Variants in MORC1 observed in about 807,000 individuals in gnomAD.
The protein encoded by MORC1 is MORC family CW-type zinc finger 1.
Under a neutral mutation model 134.9 loss-of-function variants are expected in MORC1, and 59 were observed. The observed-to-expected ratio is 0.44, with a 90% CI of 0.35 to 0.54. The LOEUF is 0.54. MORC1 is among the 20% of genes least tolerant of loss of function. The pLI, the probability that MORC1 is intolerant of heterozygous loss-of-function variation, is 0.00. For missense variants in MORC1, 947 were observed against 1,134.5 expected (o/e 0.83, Z 2.37); for synonymous variants, 395 against 391.7 (o/e 1.01, Z -0.10).
At chr3:109,052,445 A>G (rs545574621) in intron 14 of MORC1, among the ~76,000 whole-genome samples, 1 of 152,296 alleles carries the variant, frequency 6.6e-6, no homozygotes, top group South Asian at 2.1e-4. Context: ...CTGCATTTCT[A>G]ACAAGTTCCA....
At chr3:109,091,164 C>A (rs1950715463) in intron 8 of MORC1, among the ~76,000 whole-genome samples, 1 of 152,002 alleles carries the variant, frequency 6.6e-6, no homozygotes, top group African/African-American at 2.4e-5. Context: ...TGTATGTTGG[C>A]CAGGTGCGGT....
At chr3:109,006,643 T>C (rs1948546881) in intron 18 of MORC1, among the ~76,000 whole-genome samples, 1 of 152,140 alleles carries the variant, frequency 6.6e-6, no homozygotes. Flanking sequence ...ATTTGAGGAA[T>C]ATAACGTAAC....
At chr3:109,056,834 T>C (rs1005576535) in intron 13 of MORC1, among the ~76,000 whole-genome samples, 10 of 152,178 alleles carry the variant, frequency 6.6e-5, no homozygotes, top group African/African-American at 2.2e-4. Context: ...CTCTACATCA[T>C]TGATGAAAGC....
chr3:109,025,906 C>T (rs1346475731), intron 17 of MORC1, among the ~76,000 whole-genome samples: 1 of 152,118 alleles, frequency 6.6e-6, no homozygotes. Flanking sequence ...CTGGTATATG[C>T]CAGGCACTGT....
chr3:109,018,640 T>C (rs1304687580), intron 17 of MORC1, among the ~76,000 whole-genome samples: 1 of 152,164 alleles, frequency 6.6e-6, no homozygotes, highest in Admixed American at 6.5e-5. Flanking sequence ...TAAGATATCA[T>C]CTGATCTGAC....
At chr3:109,033,286 GAGGAAGGAAGGAAGGAAGGAAGGAAGGA>G (rs55742240) in intron 15 of MORC1, among the ~76,000 whole-genome samples, 50 of 137,006 alleles carry the variant, frequency 3.6e-4, no homozygotes, top group Middle Eastern at 3.7e-3. Context: ...AGCAAGAAAG[GAGGAAGGAAGGAAGGAAGGAAGGAAGGA>G]AGGAAGGAAG....
At position 109,104,444 on chromosome 3, in the gene MORC1, T is replaced by G. The variant is rs190271777; in HGVS notation, c.155-527A>C. Among the ~76,000 whole-genome samples the G allele has an allele frequency of 3.0e-3, 464 of 152,334 alleles. 6 individuals are homozygous for G. The highest frequency in any genetic ancestry group is 1.7e-3 in the South Asian group (8 of 4,824). On this transcript the variant is annotated intron_variant, in intron 3 of 27. Coordinates refer to ENST00000232603, the MANE Select transcript of MORC1 (RefSeq NM_014429.4). ...ACTTACCTCTTCAAGACGCACTTAA[T>G]TTTTGAAAATGGCTAAGTTATTTGA...
intron 23 of MORC1, among the ~76,000 whole-genome samples, chr3:108,980,487 C>T (rs1270030243): frequency 6.6e-6 from 1 of 152,182 alleles, no homozygotes; most frequent in Admixed American, 6.5e-5. Flanking sequence ...AGGTGCCATT[C>T]ATGATAGGCC....
At chr3:109,000,792 C>T (rs992951713) in intron 20 of MORC1, 134 bp from the exon 21 acceptor site, 12 of 624,818 alleles carry the variant, frequency 1.9e-5, no homozygotes, top group Admixed American at 9.3e-5. Flanking sequence ...ATTCAATTTC[C>T]GATCTTTGTG....
intron 8 of MORC1, among the ~76,000 whole-genome samples, chr3:109,082,450 A>G (rs1300051563): frequency 6.6e-6 from 1 of 152,180 alleles, no homozygotes; most frequent in Non-Finnish European, 1.5e-5. Flanking sequence ...GGAATCAGTG[A>G]CTGACCCTAG....
Position 109,118,054 on chromosome 3 carries a change from G to C in MORC1, c.6C>G (p.Asp2Glu). The C allele has an allele frequency of 6.2e-7, 1 of 1,608,872 alleles. No homozygotes were observed. Among genetic ancestry groups the C allele is most frequent in the Non-Finnish European group, 8.5e-7 (1 of 1,177,930 alleles). The change falls in exon 1 of 28, where the codon GAC (aspartate) becomes GAG (glutamate). Residue 2 changes from aspartate to glutamate, a missense_variant. Transcript: ENST00000232603. M[D>E]DRYPALQRAQ... ...CCCGCTGAAGCGCAGGGTACCTGTC[G>C]TCCATGCCCTCGAACACGACCCGCG...
chr3:109,075,777 G>A (rs974598904), intron 8 of MORC1, among the ~76,000 whole-genome samples: 15 of 150,290 alleles, frequency 1.0e-4, no homozygotes, highest in African/African-American at 2.9e-4. Flanking sequence ...TTGGCTATAT[G>A]GGCTCTTTTT....
At chr3:109,081,125 T>C (rs2107733442) in intron 8 of MORC1, among the ~76,000 whole-genome samples, 1 of 152,230 alleles carries the variant, frequency 6.6e-6, no homozygotes, top group South Asian at 2.1e-4. Context: ...TACATCTAAA[T>C]CATGGTTAAG....
At chr3:109,048,092 G>A (rs1433870451) in intron 14 of MORC1, among the ~76,000 whole-genome samples, 1 of 152,138 alleles carries the variant, frequency 6.6e-6, no homozygotes, top group Non-Finnish European at 1.5e-5. Context: ...TAGTAATGCA[G>A]TGAGCAAAAT....
intron 13 of MORC1, 72 bp downstream of exon 13, chr3:109,057,271 C>T: frequency 6.8e-7 from 1 of 1,469,488 alleles, no homozygotes; most frequent in Non-Finnish European, 9.2e-7. Flanking sequence ...TCACTCATCT[C>T]ACTCCACAGA....
rs1949567243 is a variant in MORC1 at position 109,042,066 on chromosome 3, A to G, written c.1331-6598T>C. 2.0e-5 allele frequency among the ~76,000 whole-genome samples: 3 copies of G among 152,210 alleles called. No homozygotes were observed. The South Asian group carries it at 6.2e-4, about 31-fold the overall frequency. On this transcript the variant is annotated intron_variant, in intron 14 of 27. Transcript: ENST00000232603. ...AGAAAGAAAGGGAGAGACTATTCAA[A>G]TAAACTGCAATGAGATACCACTTTA...
At chr3:109,104,613 G>C (rs150849352) in intron 3 of MORC1, among the ~76,000 whole-genome samples, 71 of 151,968 alleles carry the variant, frequency 4.7e-4, no homozygotes, top group African/African-American at 1.6e-3. Context: ...ATCACTTGAG[G>C]CCAGGGGTTC....
At chr3:109,050,200 G>T (rs1272859525) in intron 14 of MORC1, among the ~76,000 whole-genome samples, 1 of 152,138 alleles carries the variant, frequency 6.6e-6, no homozygotes, top group African/African-American at 2.4e-5. Context: ...TCTCTGTTGG[G>T]CACTAATCCT....
At position 109,038,642 on chromosome 3, in the gene MORC1, G is replaced by A. The variant is rs181957457; in HGVS notation, c.1331-3174C>T. On this transcript the variant is annotated intron_variant, in intron 14 of 27. Transcript: ENST00000232603. ...GGGTGTAAGGAAGGGATCCACTTTC[G>A]GCTTTCTTCATATGGCTAGCCAGTT... Among the ~76,000 whole-genome samples, 7 of 151,950 alleles carry A rather than the reference G, an allele frequency of 4.6e-5. No homozygotes were observed. The South Asian group carries it at 1.2e-3, about 27-fold the overall frequency.
Sources: gnomAD v4.1 joint callset for allele counts (sites outside exome capture counted in the v4.1 genomes callset) on GRCh38, gnomAD v4.1.1 for gene constraint, MANE v1.5 for transcripts, NCBI Gene and HGNC (gene_info 2026-07-23, HGNC 2026-07-21) for gene names.